NMBR: variants seen among roughly 807,000 people sequenced by gnomAD.
The protein encoded by NMBR is neuromedin B receptor.
Under a neutral mutation model 20.5 loss-of-function variants are expected in NMBR, and 16 were observed. The ratio of observed to expected loss-of-function variants is 0.78; its 90% CI spans 0.53 to 1.19. The LOEUF (loss-of-function observed/expected upper bound fraction) is 1.19, where lower values mean the gene tolerates loss of function less well. NMBR is among the 50% of genes most tolerant of loss of function. NMBR has a pLI of 0.00. For missense variants in NMBR, 582 were observed against 499.1 expected (o/e 1.17, Z -1.58); for synonymous variants, 212 against 196.6 (o/e 1.08, Z -0.65).
At chr6:142,080,587 A>T (rs1470212349) in intron 2 of NMBR, among the ~76,000 whole-genome samples, 1 of 152,150 alleles carries the variant, frequency 6.6e-6, no homozygotes, top group Non-Finnish European at 1.5e-5. Flanking sequence ...TGCTGGGGTT[A>T]TAGGTATGAG....
intron 1 of NMBR, among the ~76,000 whole-genome samples, chr6:142,143,311 G>C (rs1778385319): frequency 6.6e-6 from 1 of 152,202 alleles, no homozygotes; most frequent in Non-Finnish European, 1.5e-5. Context: ...TTGAGACGGA[G>C]TCTCGCTCTG....
intron 1 of NMBR, among the ~76,000 whole-genome samples, chr6:142,089,776 T>C (rs1009091472): frequency 6.6e-6 from 1 of 152,212 alleles, no homozygotes; most frequent in Non-Finnish European, 1.5e-5. Flanking sequence ...TGTTTATCCA[T>C]TCTATATTGA....
intron 2 of NMBR, among the ~76,000 whole-genome samples, chr6:142,085,962 C>A (rs550354189): frequency 7.5e-5 from 11 of 146,660 alleles, no homozygotes; most frequent in East Asian, 2.0e-4. Flanking sequence ...TTTTATTTTG[C>A]AGTTACATTT....
chr6:142,112,040 AT>A (rs1367866417), intron 1 of NMBR, among the ~76,000 whole-genome samples: 1 of 152,144 alleles, frequency 6.6e-6, no homozygotes, highest in Non-Finnish European at 1.5e-5. Flanking sequence ...AAAAATAGTA[AT>A]TTTCTGGCTG....
Position 142,074,789 on chromosome 6 carries a change from T to G in NMBR, c.*859A>C, listed in dbSNP as rs916854676. Among the ~76,000 whole-genome samples the G allele has an allele frequency of 2.6e-5, 4 of 152,166 alleles. No homozygotes were observed. The highest frequency in any genetic ancestry group is 9.6e-5 in the African/African-American group (4 of 41,462). On this transcript the variant is annotated 3_prime_UTR_variant, in exon 4 of 4. Transcript: ENST00000258042. The stretch of plus-strand genomic sequence containing the variant: ...ATACTAAGATGGCCATGCAAACTTG[T>G]GAGTTGTAGCTTTGCAATTTGGGAC...
chr6:142,130,954 C>A (rs1333136818), intron 1 of NMBR, among the ~76,000 whole-genome samples: 2 of 152,052 alleles, frequency 1.3e-5, no homozygotes, highest in African/African-American at 4.8e-5. Flanking sequence ...GGACAACAGG[C>A]AATATTTTTC....
At chr6:142,107,790 AT>A (rs1777686551) in intron 1 of NMBR, among the ~76,000 whole-genome samples, 1 of 152,154 alleles carries the variant, frequency 6.6e-6, no homozygotes, top group East Asian at 1.9e-4. Context: ...TCTAATATAA[AT>A]ATATTTAAAA....
At chr6:142,078,352 T>C (rs1471742357) in intron 3 of NMBR, among the ~76,000 whole-genome samples, 1 of 152,208 alleles carries the variant, frequency 6.6e-6, no homozygotes, top group African/African-American at 2.4e-5. Context: ...TCCAGATAAA[T>C]GATAAACTGA....
intron 1 of NMBR, among the ~76,000 whole-genome samples, chr6:142,095,382 A>T (rs1449679232): frequency 6.6e-6 from 1 of 152,170 alleles, no homozygotes; most frequent in Non-Finnish European, 1.5e-5. Context: ...AATTTTGTCC[A>T]AGGCCTTTTC....
At chr6:142,115,056 TCA>T (rs1206227844) in intron 1 of NMBR, among the ~76,000 whole-genome samples, 3 of 152,138 alleles carry the variant, frequency 2.0e-5, no homozygotes, top group African/African-American at 7.2e-5. Flanking sequence ...TCTAATTCAC[TCA>T]GAGTGATTGT....
chr6:142,139,663 CATATTGTT>C (rs890278884), intron 1 of NMBR, among the ~76,000 whole-genome samples: 1 of 152,160 alleles, frequency 6.6e-6, no homozygotes, highest in Admixed American at 6.5e-5. Context: ...CTAAACACTA[CATATTGTT>C]ATGTTTAAAG....
At chr6:142,126,807 T>C (rs1298239478) in intron 1 of NMBR, among the ~76,000 whole-genome samples, 1 of 139,072 alleles carries the variant, frequency 7.2e-6, no homozygotes, top group Non-Finnish European at 1.5e-5. Context: ...GAGTTCTTCA[T>C]ATATTTTGGA....
intron 1 of NMBR, among the ~76,000 whole-genome samples, chr6:142,106,440 T>G (rs551200056): frequency 6.6e-6 from 1 of 152,332 alleles, no homozygotes; most frequent in South Asian, 2.1e-4. Flanking sequence ...TAATTATATT[T>G]AACTGATAAT....
intron 1 of NMBR, among the ~76,000 whole-genome samples, chr6:142,096,546 A>G (rs1490358369): frequency 1.3e-5 from 2 of 152,136 alleles, no homozygotes; most frequent in Non-Finnish European, 2.9e-5. Flanking sequence ...ACAGTTTGTT[A>G]TAATTTCTGT....
intron 3 of NMBR, among the ~76,000 whole-genome samples, chr6:142,078,090 T>C (rs1215368156): frequency 6.6e-6 from 1 of 152,178 alleles, no homozygotes; most frequent in African/African-American, 2.4e-5. Context: ...CATCTCTCAT[T>C]CTGACTTCCA....
chr6:142,081,803 T>C (rs578083592), intron 2 of NMBR, among the ~76,000 whole-genome samples: 3 of 152,324 alleles, frequency 2.0e-5, no homozygotes, highest in South Asian at 4.1e-4. Context: ...TATATTAGCA[T>C]AGCAGGTATG....
chr6:142,105,209 G>T (rs1338308734), intron 1 of NMBR, among the ~76,000 whole-genome samples: 1 of 152,108 alleles, frequency 6.6e-6, no homozygotes, highest in Non-Finnish European at 1.5e-5. Context: ...CACAATGGTG[G>T]AATGTCATCA....
chr6:142,142,632 T>C (rs1473909117), intron 1 of NMBR, among the ~76,000 whole-genome samples: 1 of 151,922 alleles, frequency 6.6e-6, no homozygotes, highest in Admixed American at 6.5e-5. Context: ...AACGTTGAAC[T>C]GGAATTCAAT....
chr6:142,097,078 G>A (rs1421164042), intron 1 of NMBR, among the ~76,000 whole-genome samples: 1 of 152,126 alleles, frequency 6.6e-6, no homozygotes, highest in Non-Finnish European at 1.5e-5. Flanking sequence ...TTGCACGTGA[G>A]ATGGGTTTCC....
Sources: gnomAD v4.1 joint callset for allele counts (sites outside exome capture counted in the v4.1 genomes callset) on GRCh38, gnomAD v4.1.1 for gene constraint, MANE v1.5 for transcripts, NCBI Gene and HGNC (gene_info 2026-07-23, HGNC 2026-07-21) for gene names.